FOXO3: variants seen among roughly 807,000 people sequenced by gnomAD.
The protein encoded by FOXO3 is forkhead box protein O3.
In FOXO3, 4 loss-of-function variants were observed where a neutral mutation model predicts 41.9. That is an observed-to-expected ratio of 0.10 (90% CI 0.05 to 0.22). FOXO3 has a LOEUF of 0.22. Ranked by LOEUF, FOXO3 falls within the 10% of genes least tolerant of loss-of-function variation. The pLI, the probability that FOXO3 is intolerant of heterozygous loss-of-function variation, is 1.00. For synonymous variants in FOXO3, 318 were observed against 389.3 expected (o/e 0.82, Z 2.16); for missense variants, 534 against 906.8 (o/e 0.59, Z 5.28).
chr6:108,608,618 A>G (rs539251228), intron 1 of FOXO3, among the ~76,000 whole-genome samples: 28 of 152,362 alleles, frequency 1.8e-4, no homozygotes, highest in Admixed American at 7.8e-4. Context: ...AGCCAACTCT[A>G]TGGTTTCTGA....
At chr6:108,566,912 C>T (rs1462470710) in intron 1 of FOXO3, among the ~76,000 whole-genome samples, 1 of 152,136 alleles carries the variant, frequency 6.6e-6, no homozygotes, top group Non-Finnish European at 1.5e-5. Flanking sequence ...AAGAGAAAAC[C>T]CTTTTTACCC....
intron 1 of FOXO3, among the ~76,000 whole-genome samples, chr6:108,592,457 G>C (rs1391441762): frequency 6.6e-6 from 1 of 152,146 alleles, no homozygotes; most frequent in Non-Finnish European, 1.5e-5. Context: ...TCATCACTTA[G>C]GAGACTTTGC....
At chr6:108,575,982 G>C (rs974729063) in intron 1 of FOXO3, among the ~76,000 whole-genome samples, 1 of 152,160 alleles carries the variant, frequency 6.6e-6, no homozygotes, top group Non-Finnish European at 1.5e-5. Flanking sequence ...AATGTCATAG[G>C]CCTGATTATT....
rs183073402 is a variant in FOXO3, at chr6:108,627,011, C to T, written c.622-36444C>T. ...ATTGATGGTGGCTTCTAAGGTCTCT[C>T]CTGAGTCTAGTAGGAGGCAGGCTTC... On this transcript the variant is annotated intron_variant, in intron 1 of 2. Transcript: ENST00000406360. Among the ~76,000 whole-genome samples, 171 of 152,310 alleles carry T rather than the reference C, an allele frequency of 1.1e-3. 1 individual carries two copies. Among genetic ancestry groups the T allele is most frequent in the African/African-American group, 3.8e-3 (159 of 41,574 alleles).
chr6:108,620,303 C>T (rs1777629958), intron 1 of FOXO3, among the ~76,000 whole-genome samples: 1 of 152,082 alleles, frequency 6.6e-6, no homozygotes, highest in Non-Finnish European at 1.5e-5. Context: ...GGATCATTTT[C>T]CCTTAACACT....
intron 1 of FOXO3, among the ~76,000 whole-genome samples, chr6:108,636,802 G>A (rs1256014474): frequency 6.6e-6 from 1 of 152,178 alleles, no homozygotes; most frequent in Non-Finnish European, 1.5e-5. Context: ...TTCTGGAGAA[G>A]GACTTCATGT....
At chr6:108,596,234 A>G (rs1396051924) in intron 1 of FOXO3, among the ~76,000 whole-genome samples, 2 of 152,080 alleles carry the variant, frequency 1.3e-5, no homozygotes, top group African/African-American at 4.8e-5. Context: ...TTTTTGAGGA[A>G]TAATGGACCT....
intron 1 of FOXO3, among the ~76,000 whole-genome samples, chr6:108,562,723 C>T (rs768810851): frequency 6.6e-6 from 1 of 152,174 alleles, no homozygotes; most frequent in African/African-American, 2.4e-5. Flanking sequence ...AGACTCTCTA[C>T]CGTTCCTTAT....
intron 1 of FOXO3, among the ~76,000 whole-genome samples, chr6:108,579,702 G>A (rs1397700776): frequency 6.6e-6 from 1 of 152,160 alleles, no homozygotes; most frequent in African/African-American, 2.4e-5. Flanking sequence ...TATCTTGAAA[G>A]GATCTGGCAT....
chr6:108,625,162 G>A (rs1777776575), intron 1 of FOXO3, among the ~76,000 whole-genome samples: 1 of 152,140 alleles, frequency 6.6e-6, no homozygotes, highest in Admixed American at 6.5e-5. Context: ...TTTATCTGAC[G>A]TTTGTTATAA....
rs1029167918 is a variant in FOXO3 at position 108,671,981 on chromosome 6, C to T, written c.*34+7092C>T. 2.0e-5 allele frequency among the ~76,000 whole-genome samples: 3 copies of T among 152,352 alleles called. No homozygotes were observed. The East Asian group carries it at 5.8e-4, about 29-fold the overall frequency. ...AGAAGTCCCAGCTGTCTGGCTTCAG[C>T]TCTGCTTAGCATGGGTACCCATCGG... On this transcript the variant is annotated intron_variant, in intron 2 of 2. Transcript: ENST00000406360.
At chr6:108,607,229 A>G (rs891442807) in intron 1 of FOXO3, among the ~76,000 whole-genome samples, 2 of 152,194 alleles carry the variant, frequency 1.3e-5, no homozygotes, top group African/African-American at 4.8e-5. Context: ...AGGAGGGCAG[A>G]TCACTTGAGC....
intron 1 of FOXO3, among the ~76,000 whole-genome samples, chr6:108,565,705 G>A (rs1180366851): frequency 3.3e-5 from 5 of 152,182 alleles, no homozygotes; most frequent in African/African-American, 1.2e-4. Flanking sequence ...GTAAGAATGT[G>A]TATTGTTATG....
intron 1 of FOXO3, among the ~76,000 whole-genome samples, chr6:108,565,271 C>T (rs534638355): frequency 2.0e-5 from 3 of 152,306 alleles, no homozygotes; most frequent in African/African-American, 7.2e-5. Context: ...TGGTTACTTA[C>T]ATTTGTCAGA....
chr6:108,667,613 C>T (rs1273667257), intron 2 of FOXO3, among the ~76,000 whole-genome samples: 1 of 152,254 alleles, frequency 6.6e-6, no homozygotes, highest in South Asian at 2.1e-4. Context: ...TAAGGGAGAT[C>T]TAAATACTTA....
At chr6:108,592,414 G>A (rs1471231124) in intron 1 of FOXO3, among the ~76,000 whole-genome samples, 4 of 152,146 alleles carry the variant, frequency 2.6e-5, no homozygotes, top group South Asian at 2.1e-4. Context: ...TATGCCCTTT[G>A]TGTTCACATT....
At chr6:108,610,643 A>G (rs1365276178) in intron 1 of FOXO3, among the ~76,000 whole-genome samples, 3 of 152,202 alleles carry the variant, frequency 2.0e-5, no homozygotes, top group African/African-American at 7.2e-5. Flanking sequence ...AATACAGTGT[A>G]AAACAGTGCA....
At chr6:108,620,788 T>C (rs1309280736) in intron 1 of FOXO3, among the ~76,000 whole-genome samples, 3 of 152,214 alleles carry the variant, frequency 2.0e-5, no homozygotes, top group Non-Finnish European at 4.4e-5. Context: ...AGAAAATTAA[T>C]ATCGTAAATG....
At chr6:108,628,236 T>TTC (rs1265502516) in intron 1 of FOXO3, among the ~76,000 whole-genome samples, 157 of 152,316 alleles carry the variant, frequency 1.0e-3, no homozygotes, top group African/African-American at 3.7e-3. Context: ...AATAATGTAT[T>TTC]TTAGCCATCG....
Sources: allele counts gnomAD v4.1 joint callset (sites outside exome capture counted in the v4.1 genomes callset), GRCh38; gene constraint gnomAD v4.1.1; transcripts MANE v1.5; gene names NCBI Gene and HGNC (gene_info 2026-07-23, HGNC 2026-07-21).